ATP11A: variants seen among roughly 807,000 people sequenced by gnomAD.
ATP11A encodes the protein ATPase phospholipid transporting 11A, also known as phospholipid-transporting ATPase IH.
ATP11A carries 81 observed loss-of-function variants against 154.4 expected under a neutral mutation model. The ratio of observed to expected loss-of-function variants is 0.52; its 90% CI spans 0.44 to 0.63. The LOEUF (loss-of-function observed/expected upper bound fraction) is 0.63. Among genes scored for constraint, ATP11A ranks in the 30% least tolerant of loss-of-function variants. The probability of loss-of-function intolerance (pLI) is 0.00; values close to 1 mark genes in which losing one functional copy is unlikely to be tolerated. For synonymous variants in ATP11A, 623 were observed against 585.9 expected (o/e 1.06, Z -0.91); for missense variants, 1,316 against 1,474.3 (o/e 0.89, Z 1.76).
chr13:112,776,037 C>T (rs575304983), intron 1 of ATP11A, among the ~76,000 whole-genome samples: 5 of 152,288 alleles, frequency 3.3e-5, no homozygotes, highest in East Asian at 1.9e-4. Context: ...CTCCCTGGCC[C>T]GGCTGGAGTC....
chr13:112,807,934 G>T lies in ATP11A; in HGVS notation c.333+1641G>T, dbSNP rs1170692319. Among the ~76,000 whole-genome samples the T allele has an allele frequency of 6.6e-6, 1 of 152,134 alleles. No homozygotes were observed. The highest frequency in any genetic ancestry group is 1.5e-5 in the Non-Finnish European group (1 of 68,020). On this transcript the variant is annotated intron_variant, in intron 4 of 29. Transcript: ENST00000375645. This position sits in a 1 kb window ranked among gnomAD's most constrained non-coding sequence, Gnocchi z 4.5. ...GAGGCAGGCGTAGCACTGTTCTTCA[G>T]CGTCCTCTTCTCTGCATTTGTTAAG...
At chr13:112,878,676 T>C (rs1278761) in intron 29 of ATP11A, among the ~76,000 whole-genome samples, 81,837 of 152,032 alleles carry the variant, frequency 0.54, 22,046 homozygotes, top group African/African-American at 0.56. Context: ...TCATCCAGGC[T>C]CTGAGCTCAC....
rs112665717 is a variant in ATP11A at position 112,877,489 on chromosome 13, T to C, written c.3328-728T>C. On this transcript the variant is annotated intron_variant, in intron 28 of 29. Coordinates refer to ENST00000375645, the MANE Select transcript of ATP11A (RefSeq NM_015205.3). ...TACATGGGGACGTGGCAGACACACA[T>C]GTAACAAGGACATCAGGCACAGAAG... Among the ~76,000 whole-genome samples the C allele has an allele frequency of 1.0e-2, 1,519 of 152,214 alleles. 29 individuals are homozygous for C. The highest frequency in any genetic ancestry group is 0.035 in the African/African-American group (1,442 of 41,532).
At position 112,697,464 on chromosome 13, in the gene ATP11A, G is replaced by C. The variant is rs1214340287; in HGVS notation, c.39+7009G>C. 6.6e-6 allele frequency among the ~76,000 whole-genome samples: 1 copy of C among 152,158 alleles called. No homozygotes were observed. Among genetic ancestry groups the C allele is most frequent in the Non-Finnish European group, 1.5e-5 (1 of 68,040 alleles). On this transcript the variant is annotated intron_variant, in intron 1 of 29. Coordinates refer to ENST00000375645, the MANE Select transcript of ATP11A (RefSeq NM_015205.3). This position sits in a 1 kb window ranked among gnomAD's most constrained non-coding sequence, Gnocchi z 4.0. ...TGAAGAGGTTGCCATTGGCAATTCG[G>C]AAGGGAATTCAGGGAGAGCAGCCGC...
chr13:112,728,375 T>C (rs1890112267), intron 1 of ATP11A, among the ~76,000 whole-genome samples: 1 of 148,168 alleles, frequency 6.7e-6, no homozygotes, highest in African/African-American at 2.5e-5. Context: ...TGTCCACGTG[T>C]GGAGGGGCCA....
chr13:112,771,143 C>T (rs1187369656), intron 1 of ATP11A, among the ~76,000 whole-genome samples: 1 of 152,224 alleles, frequency 6.6e-6, no homozygotes, highest in Non-Finnish European at 1.5e-5. Context: ...TGCATTCTAA[C>T]CCCATTCTAA....
intron 1 of ATP11A, among the ~76,000 whole-genome samples, chr13:112,694,635 A>G (rs1885585230): frequency 6.6e-6 from 1 of 152,084 alleles, no homozygotes; most frequent in Non-Finnish European, 1.5e-5. Context: ...TGGGTCAAGA[A>G]CTCAGTCTTG....
intron 1 of ATP11A, among the ~76,000 whole-genome samples, chr13:112,692,355 C>G (rs1885295620): frequency 1.3e-5 from 2 of 152,164 alleles, no homozygotes. Context: ...ATGGATGGGC[C>G]AGCCCGGCTC....
intron 8 of ATP11A, 35 bp downstream of exon 8, chr13:112,819,985 C>T: frequency 6.4e-7 from 1 of 1,551,250 alleles, no homozygotes; most frequent in South Asian, 1.2e-5. Context: ...GCCACGGTCA[C>T]CTCCCTTGTT....
intron 2 of ATP11A, among the ~76,000 whole-genome samples, chr13:112,801,902 T>C (rs934028392): frequency 9.9e-5 from 15 of 152,200 alleles, no homozygotes; most frequent in Non-Finnish European, 1.9e-4. Context: ...TTTCTAGATA[T>C]CACCAAACTG....
intron 2 of ATP11A, among the ~76,000 whole-genome samples, chr13:112,801,817 T>A (rs2078142059): frequency 6.6e-6 from 1 of 152,242 alleles, no homozygotes; most frequent in African/African-American, 2.4e-5. Flanking sequence ...TGTTCATGGA[T>A]GGGAAAACTC....
In ATP11A at chr13:112,842,354, G is replaced by A. The variant is rs575491376; in HGVS notation, c.1784G>A (p.Arg595Gln). The change falls in exon 17 of 30, where the codon CGA becomes CAA. Residue 595 changes from arginine to glutamine, a missense_variant. This residue lies in a region of ATP11A where 876 missense variants were observed against 1,006.8 expected (regional missense o/e 0.87). Transcript: ENST00000375645. ...ATAGAAGGCAAAGTTGACCAGATCC[G>A]AGCCAGAGTGGAGCGTAACGCAGTG... ...RVIEGKVDQI[R>Q]ARVERNAVEG... The A allele has an allele frequency of 1.6e-5, 25 of 1,609,338 alleles. No homozygotes were observed. Among genetic ancestry groups the A allele is most frequent in the African/African-American group, 6.7e-5 (5 of 74,894 alleles).
intron 1 of ATP11A, among the ~76,000 whole-genome samples, chr13:112,715,402 G>A: frequency 9.6e-6 from 1 of 103,676 alleles, no homozygotes; most frequent in Non-Finnish European, 1.9e-5. Flanking sequence ...CCCCACACCT[G>A]GCCCACCTCC....
chr13:112,844,471 C>G (rs1250765674), intron 17 of ATP11A, among the ~76,000 whole-genome samples: 1 of 152,186 alleles, frequency 6.6e-6, no homozygotes, highest in Non-Finnish European at 1.5e-5. Flanking sequence ...GAGACTGTCT[C>G]GCGCCCTCAT....
chr13:112,751,696 T>C (rs2076695549), intron 1 of ATP11A, among the ~76,000 whole-genome samples: 2 of 151,488 alleles, frequency 1.3e-5, no homozygotes, highest in Non-Finnish European at 1.5e-5. Context: ...AAAACAGACA[T>C]TGGCCCTTTG....
chr13:112,880,630 C>T (rs975893527), intron 29 of ATP11A: 10 of 1,296,572 alleles, frequency 7.7e-6, no homozygotes, highest in African/African-American at 7.6e-5. Flanking sequence ...GCGGCCAAGG[C>T]GCAGTTAGCT....
In ATP11A at chr13:112,883,981, ATC is replaced by A. The variant is rs754656385; in HGVS notation, c.*2119_*2120del. On this transcript the variant is annotated 3_prime_UTR_variant, in exon 30 of 30. Coordinates refer to ENST00000375645, the MANE Select transcript of ATP11A (RefSeq NM_015205.3). ...CTGAAGTATTTTCATAGCTGTTTAT[ATC>A]TCTTTTATTCATTTATTTAACATAC... is the stretch of plus-strand genomic sequence containing the variant. 8 of 152,656 alleles carry A rather than the reference ATC, an allele frequency of 5.2e-5. No homozygotes were observed. Among genetic ancestry groups the A allele is most frequent in the Non-Finnish European group, 1.2e-4 (8 of 68,014 alleles). 9.5% of individuals were successfully genotyped at this position (152,656 alleles called of 1,614,324 possible).
intron 1 of ATP11A, among the ~76,000 whole-genome samples, chr13:112,762,032 C>G (rs1404074836): frequency 6.6e-6 from 1 of 152,196 alleles, no homozygotes; most frequent in Non-Finnish European, 1.5e-5. Flanking sequence ...AGTTCGTGAC[C>G]TCGATGGAAG....
chr13:112,725,514 C>T (rs1009155261), intron 1 of ATP11A, among the ~76,000 whole-genome samples: 11 of 152,226 alleles, frequency 7.2e-5, no homozygotes, highest in South Asian at 2.1e-4. Flanking sequence ...CGTCTGCACG[C>T]GGCTGGCTCT....
Sources: allele counts gnomAD v4.1 joint callset (sites outside exome capture counted in the v4.1 genomes callset), GRCh38; gene constraint gnomAD v4.1.1; regional missense constraint gnomAD v4.1.1; non-coding constraint Gnocchi (gnomAD v3.1); transcripts MANE v1.5; gene names NCBI Gene and HGNC (gene_info 2026-07-23, HGNC 2026-07-21).